Variants in PDE10A observed in about 807,000 individuals in gnomAD.
PDE10A encodes cAMP and cAMP-inhibited cGMP 3',5'-cyclic phosphodiesterase 10A.
In PDE10A, 39 loss-of-function variants were observed where a neutral mutation model predicts 97.7. That is an observed-to-expected ratio of 0.40 (90% CI 0.31 to 0.52). The LOEUF is 0.52. Among genes scored for constraint, PDE10A ranks in the 20% least tolerant of loss-of-function variants. The pLI, the probability that PDE10A is intolerant of heterozygous loss-of-function variation, is 0.56. For missense variants in PDE10A, 731 were observed against 1,047.8 expected, an observed-to-expected ratio of 0.70 and a Z score of 4.17; for synonymous variants, 371 against 376.8, an observed-to-expected ratio of 0.98 and a Z score of 0.18.
intron 1 of PDE10A, among the ~76,000 whole-genome samples, chr6:165,927,390 T>C (rs533837798): frequency 7.9e-5 from 12 of 152,102 alleles, no homozygotes; most frequent in African/African-American, 4.8e-5. Context: ...AGAATGATCA[T>C]ATAAAACTAT....
rs777171865 is a variant in PDE10A at position 165,715,789 on chromosome 6, G to A, written c.-614-172221C>T. On this transcript the variant is annotated intron_variant, in intron 1 of 19. Transcript: ENST00000366882. ...CAGTAGGGGGACGTCCCTCTTCCGG[G>A]CACCGTGGTCAGAAGGCAGGGGTTA... is the stretch of plus-strand genomic sequence containing the variant. Among the ~76,000 whole-genome samples the A allele has an allele frequency of 9.2e-5, 14 of 152,288 alleles. 1 individual carries two copies. The highest frequency in any genetic ancestry group is 1.9e-4 in the Non-Finnish European group (13 of 68,022).
At position 165,662,839 on chromosome 6, in the gene PDE10A, G is replaced by A. The variant is rs571999528; in HGVS notation, c.-28C>T. On this transcript the variant is annotated 5_prime_UTR_variant, in exon 1 of 22. Transcript: ENST00000539869. The stretch of plus-strand genomic sequence containing the variant: ...TTCCTCCCCGGGCCGCGGAGGGGCA[G>A]GCCGCGGGCGGGAGGGGCGCGGCGG... 3.3e-5 allele frequency among the ~76,000 whole-genome samples: 5 copies of A among 150,678 alleles called. No homozygotes were observed. Among genetic ancestry groups the A allele is most frequent in the Admixed American group, 6.6e-5 (1 of 15,184 alleles).
At position 165,523,619 on chromosome 6, in the gene PDE10A, C is replaced by T. The variant is rs1782262770; in HGVS notation, c.994+19821G>A. 2.6e-5 allele frequency among the ~76,000 whole-genome samples: 4 copies of T among 151,858 alleles called. No homozygotes were observed. In the South Asian group the frequency reaches 8.3e-4, roughly 32 times the overall value. On this transcript the variant is annotated intron_variant, in intron 2 of 21. Transcript: ENST00000539869. ...CTATCACCAAATTTTAAAAATTAAC[C>T]CAAGAGAGATTAAAGACTTAAATAT...
chr6:165,628,390 TGCCTAG>T (rs1788482583), intron 1 of PDE10A, among the ~76,000 whole-genome samples: 1 of 152,060 alleles, frequency 6.6e-6, no homozygotes, highest in African/African-American at 2.4e-5. Context: ...CTTGCTCTGC[TGCCTAG>T]GCTAGAGGGC....
chr6:165,862,586 TC>T lies in PDE10A; in HGVS notation c.-615+124942del, dbSNP rs569165554. ...AAACCCAGAAGAGCAGTAAATAGAA[TC>T]CTGATGAATTCAGGACCACACTAAC... On this transcript the variant is annotated intron_variant, in intron 1 of 19. Coordinates refer to the PDE10A transcript ENST00000366882. 7.9e-5 allele frequency among the ~76,000 whole-genome samples: 12 copies of T among 151,622 alleles called. No homozygotes were observed. The South Asian group carries it at 1.3e-3, about 16-fold the overall frequency.
intron 18 of PDE10A, among the ~76,000 whole-genome samples, chr6:165,369,856 C>T (rs975582148): frequency 2.0e-5 from 3 of 151,478 alleles, no homozygotes; most frequent in Admixed American, 6.6e-5. Flanking sequence ...CAAAGGGAAG[C>T]CCATCAGACT....
chr6:165,543,621 A>T (rs1393678684), intron 1 of PDE10A, 53 bp from the exon 2 acceptor site: 1 of 1,408,656 alleles, frequency 7.1e-7, no homozygotes, highest in African/African-American at 1.4e-5. Context: ...CCTCATATCA[A>T]TGAAAGGTAT....
chr6:165,807,421 G>GC (rs1258804130), intron 1 of PDE10A, among the ~76,000 whole-genome samples: 13 of 152,032 alleles, frequency 8.6e-5, no homozygotes, highest in Admixed American at 3.3e-4. Context: ...TCTGAGTTCA[G>GC]CCTTTCTGCC....
chr6:165,345,412 G>GT (rs1346926107), intron 18 of PDE10A, among the ~76,000 whole-genome samples: 1 of 152,170 alleles, frequency 6.6e-6, no homozygotes, highest in Non-Finnish European at 1.5e-5. Context: ...TTTAGTAAAT[G>GT]TAAGTACTCA....
At chr6:165,540,315 G>A (rs189728019) in intron 2 of PDE10A, among the ~76,000 whole-genome samples, 21 of 152,204 alleles carry the variant, frequency 1.4e-4, no homozygotes, top group East Asian at 5.8e-4. Context: ...TACGGTCAGC[G>A]TTCACACTGC....
At chr6:165,870,770 G>A (rs1480146850) in intron 1 of PDE10A, among the ~76,000 whole-genome samples, 1 of 152,172 alleles carries the variant, frequency 6.6e-6, no homozygotes, top group Non-Finnish European at 1.5e-5. Context: ...ATATTATTCA[G>A]CCATAAAAAA....
chr6:165,912,158 ACTCT>A (rs915198382), intron 1 of PDE10A, among the ~76,000 whole-genome samples: 30 of 150,122 alleles, frequency 2.0e-4, no homozygotes, highest in Non-Finnish European at 2.8e-4. Context: ...TAACTATCTA[ACTCT>A]CTCTCTCTAT....
chr6:165,431,652 T>C (rs1288030998), intron 7 of PDE10A, among the ~76,000 whole-genome samples, 180 bp from the exon 8 acceptor site: 3 of 149,424 alleles, frequency 2.0e-5, no homozygotes, highest in Non-Finnish European at 3.0e-5. Flanking sequence ...ACACACTACT[T>C]GTAGTCATCT....
At position 165,599,557 on chromosome 6, in the gene PDE10A, A is replaced by G. The variant is rs937594299; in HGVS notation, c.866-55989T>C. Among the ~76,000 whole-genome samples the G allele has an allele frequency of 1.1e-4, 17 of 152,372 alleles. 1 individual carries two copies. The Middle Eastern group carries it at 0.01, about 91-fold the overall frequency. On this transcript the variant is annotated intron_variant, in intron 1 of 21. Coordinates refer to ENST00000539869, the MANE Select transcript of PDE10A (RefSeq NM_001385079.1). Reference sequence around the variant, plus strand: ...CTTAACCCAGGACAATTAGGAAAATATAAGGTATGCCTCAATTACATTTTA... The same window carrying G: ...CTTAACCCAGGACAATTAGGAAAATGTAAGGTATGCCTCAATTACATTTTA...
At chr6:165,610,619 T>G (rs981464023) in intron 1 of PDE10A, among the ~76,000 whole-genome samples, 13 of 152,290 alleles carry the variant, frequency 8.5e-5, no homozygotes, top group African/African-American at 3.1e-4. Flanking sequence ...AATATTGCTT[T>G]TGCTCCCATA....
chr6:165,963,349 C>G (rs538643404), intron 1 of PDE10A, among the ~76,000 whole-genome samples: 2 of 152,330 alleles, frequency 1.3e-5, no homozygotes, highest in Admixed American at 6.5e-5. Context: ...CCAGCACCCT[C>G]TCACTGGATA....
intron 1 of PDE10A, among the ~76,000 whole-genome samples, chr6:165,682,724 G>T (rs548376430): frequency 6.6e-6 from 1 of 152,092 alleles, no homozygotes; most frequent in Non-Finnish European, 1.5e-5. Context: ...TTTATAACTC[G>T]CCAAGTTTAT....
intron 16 of PDE10A, among the ~76,000 whole-genome samples, chr6:165,390,464 G>A (rs952506947): frequency 3.9e-5 from 6 of 152,162 alleles, no homozygotes; most frequent in Non-Finnish European, 7.3e-5. Context: ...TGAGAAGAGC[G>A]GCAGATCGGA....
chr6:165,445,941 C>T (rs1790820717), intron 5 of PDE10A, among the ~76,000 whole-genome samples: 1 of 150,594 alleles, frequency 6.6e-6, no homozygotes, highest in Non-Finnish European at 1.5e-5. Flanking sequence ...AAAAGAAAAC[C>T]ATAAAACACA....
Sources: allele counts gnomAD v4.1 joint callset (sites outside exome capture counted in the v4.1 genomes callset), GRCh38; gene constraint gnomAD v4.1.1; transcripts MANE v1.5; gene names NCBI Gene and HGNC (gene_info 2026-07-23, HGNC 2026-07-21).